Variants in ASPHD1 observed in about 807,000 individuals in gnomAD.
ASPHD1 encodes aspartate beta-hydroxylase domain containing 1.
Under a neutral mutation model 28.3 loss-of-function variants are expected in ASPHD1, and 20 were observed. The observed-to-expected ratio is 0.71, with a 90% confidence interval of 0.50 to 1.03. The LOEUF is 1.03. ASPHD1 is among the 50% of genes least tolerant of loss of function. The pLI, the probability that ASPHD1 is intolerant of heterozygous loss-of-function variation, is 0.00. For missense variants in ASPHD1, 479 were observed against 524.1 expected (o/e 0.91, Z 0.84); for synonymous variants, 240 against 221.2 (o/e 1.08, Z -0.75).
chr16:29,919,414 C>T (rs1300276345), intron 3 of ASPHD1: 1 of 152,094 alleles, frequency 6.6e-6, no homozygotes, highest in Non-Finnish European at 1.5e-5. Context: ...CAATGATAAT[C>T]CTTACCTGAA....
At chr16:29,909,513 T>A (rs779283955), downstream of ASPHD1, among the ~76,000 whole-genome samples, 1 of 152,138 alleles carries the variant, frequency 6.6e-6, no homozygotes, top group Non-Finnish European at 1.5e-5. Context: ...CAGCACTTCA[T>A]TCCCCTTGAT....
At chr16:29,905,687 T>C (rs2068600645) in intron 2 of ASPHD1, 101 bp from the exon 3 acceptor site, 5 of 632,754 alleles carry the variant, frequency 7.9e-6, no homozygotes, top group Non-Finnish European at 1.1e-5. Flanking sequence ...GAACAAGGCC[T>C]GCCACTTATT....
At chr16:29,906,930 C>A (rs907551420), downstream of ASPHD1, 21 of 1,614,004 alleles carry the variant, frequency 1.3e-5, no homozygotes, top group Non-Finnish European at 1.7e-5. Context: ...GATATGGCGC[C>A]GGACATGGAT....
chr16:29,906,772 C>CG (rs2068620268), downstream of ASPHD1: 1 of 1,026,780 alleles, frequency 9.7e-7, no homozygotes, highest in South Asian at 1.5e-5. Context: ...GGAGGACCCA[C>CG]GACTTGGCCA....
At position 29,906,008 on chromosome 16, in the gene ASPHD1, G is replaced by T; in HGVS notation, c.*111G>T. 1.6e-6 allele frequency: 1 copy of T among 643,112 alleles called. No homozygotes were observed. The highest frequency in any genetic ancestry group is 2.7e-6 in the Non-Finnish European group (1 of 369,672). The allele number at this position is 643,112 out of a possible 1,614,324, so 39.8% of individuals were successfully genotyped here. ...GCGGGGGTGGGCGGGGGCGGAGGAT[G>T]GGAACTGGCTAGTGAGCACTGAAAT... On this transcript the variant is annotated 3_prime_UTR_variant, in exon 3 of 3. Transcript: ENST00000308748.
chr16:29,910,173 G>A (rs2068681421), downstream of ASPHD1, among the ~76,000 whole-genome samples: 1 of 151,572 alleles, frequency 6.6e-6, no homozygotes, highest in East Asian at 1.9e-4. Context: ...GCTGAGGTGG[G>A]TGGATCACGA....
chr16:29,907,503 C>G (rs1401549177), downstream of ASPHD1, among the ~76,000 whole-genome samples: 1 of 152,112 alleles, frequency 6.6e-6, no homozygotes. Flanking sequence ...AAAATATAAA[C>G]TAGCCTGGCG....
chr16:29,910,035 G>A (rs2068678215), downstream of ASPHD1, among the ~76,000 whole-genome samples: 1 of 150,884 alleles, frequency 6.6e-6, no homozygotes, highest in African/African-American at 2.4e-5. Context: ...GGAGGCAGAG[G>A]TTAAGTGAGC....
At chr16:29,904,084 T>C (rs1484065247) in intron 1 of ASPHD1, among the ~76,000 whole-genome samples, 2 of 151,738 alleles carry the variant, frequency 1.3e-5, no homozygotes, top group African/African-American at 2.4e-5. Flanking sequence ...AGCAGGAGGA[T>C]TGCTTGAGGC....
Position 29,902,887 on chromosome 16 carries a change from TTC to T in ASPHD1, c.949+969_949+970del, listed in dbSNP as rs1391497502. On this transcript the variant is annotated intron_variant, in intron 1 of 2. Coordinates refer to ENST00000308748, the MANE Select transcript of ASPHD1 (RefSeq NM_181718.4). ...AGCACCAAACTGAGATTTTTTCTTT[TTC>T]TTTTTTTTTTTTTTTTGAGACAGGG... 9.3e-5 allele frequency among the ~76,000 whole-genome samples: 13 copies of T among 139,820 alleles called. 5 individuals carry two copies. The highest frequency in any genetic ancestry group is 2.0e-4 in the East Asian group (1 of 4,884). 91.7% of individuals were successfully genotyped at this position (139,820 alleles called of 152,430 possible). A position where few individuals can be genotyped will look rare whatever the true frequency, so the allele number is the denominator to read the frequency against.
intron 2 of ASPHD1, chr16:29,905,299 G>T: frequency 4.1e-6 from 1 of 245,836 alleles, no homozygotes; most frequent in Non-Finnish European, 7.9e-6. Context: ...GGATAATTAT[G>T]GTAATACCAC....
At position 29,901,823 on chromosome 16, in the gene ASPHD1, C is replaced by T; in HGVS notation, c.852C>T (p.Ala284=). Reference sequence around the variant, plus strand: ...GGGGGCTTCGAAGCTTTATGAGTGCCAACACCTTCGGCAATGCCGGCTTTT... The same window carrying T: ...GGGGGCTTCGAAGCTTTATGAGTGCTAACACCTTCGGCAATGCCGGCTTTT... ...ALRGLRSFMS[A]NTFGNAGFSV... is the part of the protein sequence containing the mutation. The change falls in exon 1 of 3, where the codon GCC becomes GCT. Residue 284 remains alanine, a synonymous_variant. Transcript: ENST00000308748. The surrounding 1 kb of genome is among the most constrained non-coding windows in gnomAD (Gnocchi z 5.1). The T allele has an allele frequency of 1.1e-5, 17 of 1,557,690 alleles. No homozygotes were observed. Among genetic ancestry groups the T allele is most frequent in the Non-Finnish European group, 1.5e-5 (17 of 1,153,534 alleles).
chr16:29,902,401 C>T (rs536694797), intron 1 of ASPHD1, among the ~76,000 whole-genome samples: 1 of 152,258 alleles, frequency 6.6e-6, no homozygotes, highest in East Asian at 1.9e-4. Flanking sequence ...TGCACTCCAG[C>T]CTGGGTGACA....
At chr16:29,911,944 G>C (rs781471343) in intron 3 of ASPHD1, 1 of 1,610,532 alleles carries the variant, frequency 6.2e-7, no homozygotes, top group South Asian at 1.1e-5. Flanking sequence ...CACCCTGCAG[G>C]GCTTGGGGGC....
intron 3 of ASPHD1, chr16:29,913,050 G>GT (rs2068744599): frequency 6.7e-6 from 1 of 150,354 alleles, no homozygotes; most frequent in South Asian, 2.1e-4. Flanking sequence ...TTCCAGATTT[G>GT]TTTTTTGCAG....
Position 29,901,969 on chromosome 16 carries a change from C to T in ASPHD1, c.949+49C>T, listed in dbSNP as rs2068555842. On this transcript the variant is annotated intron_variant, in intron 1 of 2. Transcript: ENST00000308748. This position sits in a 1 kb window ranked among gnomAD's most constrained non-coding sequence, Gnocchi z 5.1. ...AACCTCCTTGCCTCGATGATTTCCC[C>T]CCCAGACCCTTCTCTCCGCCAGAGC... The T allele has an allele frequency of 1.6e-5, 22 of 1,371,972 alleles. No individual in the cohort carries two copies. Among genetic ancestry groups the T allele is most frequent in the Non-Finnish European group, 1.9e-5 (20 of 1,048,548 alleles). 85.0% of individuals were successfully genotyped at this position (1,371,972 alleles called of 1,614,324 possible).
intron 3 of ASPHD1, among the ~76,000 whole-genome samples, chr16:29,918,118 TC>T (rs1411249879): frequency 6.6e-6 from 1 of 152,180 alleles, no homozygotes. Context: ...ACAAATAATC[TC>T]ATGTAATAAT....
chr16:29,912,967 T>C (rs1296581785), intron 3 of ASPHD1, among the ~76,000 whole-genome samples: 1 of 152,202 alleles, frequency 6.6e-6, no homozygotes, highest in Non-Finnish European at 1.5e-5. Flanking sequence ...TCTTCTGTCT[T>C]CTAGAATCTT....
At chr16:29,917,651 C>T (rs1187809879) in intron 3 of ASPHD1, among the ~76,000 whole-genome samples, 2 of 152,050 alleles carry the variant, frequency 1.3e-5, no homozygotes, top group African/African-American at 2.4e-5. Flanking sequence ...TGGTGGTGCA[C>T]GCCTGTAATC....
Sources: allele counts gnomAD v4.1 joint callset (sites outside exome capture counted in the v4.1 genomes callset), GRCh38; gene constraint gnomAD v4.1.1; non-coding constraint Gnocchi (gnomAD v3.1); transcripts MANE v1.5; gene names NCBI Gene and HGNC (gene_info 2026-07-23, HGNC 2026-07-21).